CWC27: variants seen among roughly 807,000 people sequenced by gnomAD.
CWC27 encodes spliceosome-associated protein CWC27 homolog.
CWC27 carries 47 observed loss-of-function variants against 63.6 expected under a neutral mutation model. That is an observed-to-expected ratio of 0.74 (90% CI 0.58 to 0.94). The LOEUF is 0.94. Ranked by LOEUF, CWC27 falls within the 40% of genes least tolerant of loss-of-function variation. The pLI is 0.00. For synonymous variants in CWC27, 175 were observed against 179.8 expected, an observed-to-expected ratio of 0.97 and a Z score of 0.22; for missense variants, 495 against 554.3, an observed-to-expected ratio of 0.89 and a Z score of 1.07.
intron 11 of CWC27, among the ~76,000 whole-genome samples, chr5:64,911,682 G>C (rs1469955760): frequency 6.6e-6 from 1 of 152,128 alleles, no homozygotes; most frequent in Non-Finnish European, 1.5e-5. Flanking sequence ...AGGGAATAGG[G>C]ACTGAAGTCC....
At chr5:64,959,044 G>A (rs2112431783) in intron 11 of CWC27, among the ~76,000 whole-genome samples, 1 of 152,166 alleles carries the variant, frequency 6.6e-6, no homozygotes, top group East Asian at 1.9e-4. Context: ...AATGAAAACT[G>A]GTGAAACAGA....
intron 13 of CWC27, among the ~76,000 whole-genome samples, chr5:64,984,556 T>G (rs1749387648): frequency 6.6e-6 from 1 of 152,250 alleles, no homozygotes; most frequent in African/African-American, 2.4e-5. Flanking sequence ...AATCCAGTAG[T>G]AATTTTTAAT....
At chr5:64,967,921 G>A (rs550130439) in intron 11 of CWC27, among the ~76,000 whole-genome samples, 4 of 151,944 alleles carry the variant, frequency 2.6e-5, no homozygotes, top group South Asian at 4.1e-4. Context: ...ATAAAATGCT[G>A]TTCATCGAAT....
At chr5:64,885,387 A>G (rs1489650813) in intron 10 of CWC27, 56 bp from the exon 11 acceptor site, 4 of 1,262,576 alleles carry the variant, frequency 3.2e-6, no homozygotes, top group Admixed American at 5.3e-5. Context: ...TGTTTTTGCT[A>G]AACAACTTTT....
chr5:64,913,084 C>A (rs1310012480), intron 11 of CWC27, among the ~76,000 whole-genome samples: 1 of 152,050 alleles, frequency 6.6e-6, no homozygotes, highest in East Asian at 1.9e-4. Context: ...TCTAGGAATG[C>A]AGTTTTGGCT....
intron 13 of CWC27, among the ~76,000 whole-genome samples, chr5:64,985,411 A>G (rs1337586090): frequency 1.3e-5 from 2 of 152,176 alleles, no homozygotes; most frequent in Non-Finnish European, 2.9e-5. Flanking sequence ...AAACATGATT[A>G]TGTCTCTCCA....
At chr5:64,789,427 T>C (rs1232296689) in intron 7 of CWC27, among the ~76,000 whole-genome samples, 1 of 152,128 alleles carries the variant, frequency 6.6e-6, no homozygotes, top group Non-Finnish European at 1.5e-5. Flanking sequence ...TAATTCTCAT[T>C]ACAGCCCTTT....
At position 64,788,931 on chromosome 5, in the gene CWC27, C is replaced by CT; in HGVS notation, c.600-17dup. 1 of 1,328,172 alleles carries CT rather than the reference C, an allele frequency of 7.5e-7. No homozygotes were observed. Among genetic ancestry groups the CT allele is most frequent in the East Asian group, 2.6e-5 (1 of 38,746 alleles). The allele number at this position is 1,328,172 out of a possible 1,614,324, so 82.3% of individuals were successfully genotyped here. A position where few individuals can be genotyped will look rare whatever the true frequency, so the allele number is the denominator to read the frequency against. ...TGACTTTCTCTTTCTTTTTTTTTTTCTTTCTTTTTTTTGGACTAGAAATTT... is the reference window on the plus strand; with the variant it reads ...TGACTTTCTCTTTCTTTTTTTTTTTCTTTTCTTTTTTTTGGACTAGAAATTT... On this transcript the variant is annotated intron_variant, in intron 6 of 13. Coordinates refer to ENST00000381070, the MANE Select transcript of CWC27 (RefSeq NM_005869.4).
intron 10 of CWC27, among the ~76,000 whole-genome samples, chr5:64,806,852 TA>T (rs1744694063): frequency 6.6e-6 from 1 of 152,124 alleles, no homozygotes; most frequent in African/African-American, 2.4e-5. Flanking sequence ...TAAATTTTAA[TA>T]AATTTCCAAA....
chr5:64,776,376 G>A (rs1271813238), intron 2 of CWC27, among the ~76,000 whole-genome samples: 1 of 152,114 alleles, frequency 6.6e-6, no homozygotes, highest in Non-Finnish European at 1.5e-5. Context: ...TCCATGACCA[G>A]GTGAATGGAA....
At chr5:64,995,603 A>G (rs1334253198) in intron 13 of CWC27, among the ~76,000 whole-genome samples, 1 of 152,176 alleles carries the variant, frequency 6.6e-6, no homozygotes, top group African/African-American at 2.4e-5. Context: ...ACCACAACTG[A>G]ATAATACCGT....
intron 11 of CWC27, among the ~76,000 whole-genome samples, chr5:64,922,121 T>C (rs187761256): frequency 2.6e-5 from 4 of 152,308 alleles, no homozygotes; most frequent in Admixed American, 2.6e-4. Flanking sequence ...CATGACTGTG[T>C]CTTACATAGC....
intron 10 of CWC27, among the ~76,000 whole-genome samples, chr5:64,876,052 T>C (rs1055439558): frequency 6.6e-6 from 1 of 152,140 alleles, no homozygotes; most frequent in Admixed American, 6.5e-5. Context: ...CTGCTAGTAA[T>C]AGGTAGAACA....
At position 65,003,003 on chromosome 5, in the gene CWC27, C is replaced by A. The variant is rs1749759367; in HGVS notation, c.1257-15156C>A. Among the ~76,000 whole-genome samples the A allele has an allele frequency of 4.6e-5, 7 of 152,218 alleles. No individual in the cohort carries two copies. In the South Asian group the frequency reaches 1.5e-3, roughly 32 times the overall value. On this transcript the variant is annotated intron_variant, in intron 13 of 13. Transcript: ENST00000381070. The stretch of plus-strand genomic sequence containing the variant: ...TACAAATATGTTTAGAACGTTATAT[C>A]CTCTTGCTGATTTGATCCCATTATC...
chr5:64,816,018 G>A (rs1206611798), intron 10 of CWC27, among the ~76,000 whole-genome samples: 1 of 152,160 alleles, frequency 6.6e-6, no homozygotes, highest in Non-Finnish European at 1.5e-5. Context: ...AAAGCAAGTT[G>A]TCAGGAAGTT....
chr5:64,859,036 T>C (rs1457994305), intron 10 of CWC27, among the ~76,000 whole-genome samples: 2 of 152,200 alleles, frequency 1.3e-5, no homozygotes, highest in African/African-American at 2.4e-5. Context: ...TTGGAAATGT[T>C]TATGGAATGT....
In CWC27 at chr5:64,905,681, T is replaced by C. The variant is rs371707554; in HGVS notation, c.1042+20135T>C. Among the ~76,000 whole-genome samples, 26 of 152,282 alleles carry C rather than the reference T, an allele frequency of 1.7e-4. No homozygotes were observed. The East Asian group carries it at 4.6e-3, about 27-fold the overall frequency. ...TGGTCTAGATGTAGCACTGAAATTCTTTATATTATTATTACACTTTAAGTT... is the reference window on the plus strand; with the variant it reads ...TGGTCTAGATGTAGCACTGAAATTCCTTATATTATTATTACACTTTAAGTT... On this transcript the variant is annotated intron_variant, in intron 11 of 13. Transcript: ENST00000381070.
At chr5:64,887,453 C>T (rs769134647) in intron 11 of CWC27, among the ~76,000 whole-genome samples, 14 of 152,052 alleles carry the variant, frequency 9.2e-5, no homozygotes, top group East Asian at 1.9e-4. Context: ...CTGCAACCCC[C>T]GCCTTCGGGT....
At chr5:64,944,196 A>G (rs1748543932) in intron 11 of CWC27, among the ~76,000 whole-genome samples, 1 of 151,764 alleles carries the variant, frequency 6.6e-6, no homozygotes, top group Non-Finnish European at 1.5e-5. Context: ...AAAAAAAAGT[A>G]TATCTTGTCT....
Sources: gnomAD v4.1 joint callset for allele counts (sites outside exome capture counted in the v4.1 genomes callset) on GRCh38, gnomAD v4.1.1 for gene constraint, MANE v1.5 for transcripts, NCBI Gene and HGNC (gene_info 2026-07-23, HGNC 2026-07-21) for gene names.